The following SAMMSON variants were observed in gnomAD, a reference collection of about 807,000 sequenced individuals.
SAMMSON encodes long intergenic non-protein coding RNA 1212.
In SAMMSON at chr3:70,348,929, A is replaced by G. The variant is rs181803563; in HGVS notation, n.740-5246A>G. On this transcript the variant is annotated intron_variant and non_coding_transcript_variant, in intron 7 of 9. Coordinates refer to ENST00000642114, the Ensembl canonical transcript of SAMMSON. ...GAGAGACAATCAATCTCTCTCCCTT[A>G]TTTTTTCAGGCCCTGTTACCCAGGG... Among the ~76,000 whole-genome samples the G allele has an allele frequency of 9.9e-5, 15 of 151,996 alleles. No individual in the cohort carries two copies. The East Asian group carries it at 2.1e-3, about 22-fold the overall frequency.
At chr3:70,143,612 A>G (rs1444858845) in intron 4 of SAMMSON, among the ~76,000 whole-genome samples, 2 of 152,204 alleles carry the variant, frequency 1.3e-5, no homozygotes, top group Non-Finnish European at 2.9e-5. Context: ...GCAGAGAGTA[A>G]GAGGGTGGAA....
intron 3 of SAMMSON, among the ~76,000 whole-genome samples, chr3:70,015,712 C>G (rs532526807): frequency 6.6e-6 from 1 of 152,004 alleles, no homozygotes; most frequent in Non-Finnish European, 1.5e-5. Flanking sequence ...TATCCCTCCC[C>G]GCTTCCCCAC....
intron 9 of SAMMSON, among the ~76,000 whole-genome samples, chr3:70,382,896 G>T (rs565245392): frequency 2.0e-5 from 3 of 152,042 alleles, no homozygotes; most frequent in East Asian, 3.9e-4. Flanking sequence ...ACTTTGAGAA[G>T]GGTTAGTTTA....
Position 70,157,044 on chromosome 3 carries a change from G to A in SAMMSON, n.507+85479G>A, listed in dbSNP as rs530185050. Among the ~76,000 whole-genome samples, 43 of 152,136 alleles carry A rather than the reference G, an allele frequency of 2.8e-4. No individual in the cohort carries two copies. In the East Asian group the frequency reaches 6.2e-3, roughly 22 times the overall value. ...CTAGTCTTGGATTCTTAACCCTTTCGAAAGCAGGGTAAAAAGATATAGTCA... is the reference window on the plus strand; with the variant it reads ...CTAGTCTTGGATTCTTAACCCTTTCAAAAGCAGGGTAAAAAGATATAGTCA... On this transcript the variant is annotated intron_variant and non_coding_transcript_variant, in intron 4 of 9. Coordinates refer to ENST00000642114, the Ensembl canonical transcript of SAMMSON.
intron 6 of SAMMSON, among the ~76,000 whole-genome samples, chr3:70,282,681 T>C (rs113699884): frequency 0.011 from 1,639 of 152,302 alleles, 20 homozygotes; most frequent in Non-Finnish European, 0.016. Flanking sequence ...TGCTGCCAAA[T>C]AAGAGAGGCC....
intron 4 of SAMMSON, among the ~76,000 whole-genome samples, chr3:70,199,533 A>G (rs932406887): frequency 1.3e-5 from 2 of 152,158 alleles, no homozygotes; most frequent in African/African-American, 4.8e-5. Context: ...TTGCCCAAAA[A>G]CAACATGGTA....
rs1377280700 is a variant in SAMMSON, at chr3:70,118,080, G to A, written n.507+46515G>A. 3.9e-5 allele frequency among the ~76,000 whole-genome samples: 6 copies of A among 151,980 alleles called. No homozygotes were observed. The East Asian group carries it at 9.8e-4, about 25-fold the overall frequency. On this transcript the variant is annotated intron_variant and non_coding_transcript_variant, in intron 4 of 9. Transcript: ENST00000642114. ...TTACAGGCACCCCACCACCACGCCC[G>A]GCTAATTTTGTTTTTTATTTTTAGT...
At chr3:70,313,365 C>G (rs546832728) in intron 7 of SAMMSON, among the ~76,000 whole-genome samples, 4 of 151,278 alleles carry the variant, frequency 2.6e-5, no homozygotes, top group Non-Finnish European at 5.9e-5. Context: ...ATAATCCTAG[C>G]TATGTGAGAG....
At chr3:70,078,074 A>G (rs963177522) in intron 4 of SAMMSON, among the ~76,000 whole-genome samples, 2 of 152,016 alleles carry the variant, frequency 1.3e-5, no homozygotes, top group Non-Finnish European at 2.9e-5. Flanking sequence ...TCTATCACCT[A>G]TCCCATCACA....
At chr3:70,082,813 C>T (rs1267743462) in intron 4 of SAMMSON, among the ~76,000 whole-genome samples, 1 of 152,160 alleles carries the variant, frequency 6.6e-6, no homozygotes, top group Non-Finnish European at 1.5e-5. Context: ...CTACCATGTA[C>T]TGGTTTTAAA....
intron 6 of SAMMSON, among the ~76,000 whole-genome samples, chr3:70,264,994 G>C (rs1701902783): frequency 6.6e-6 from 1 of 152,194 alleles, no homozygotes; most frequent in Non-Finnish European, 1.5e-5. Flanking sequence ...GTGGCAGCAA[G>C]AGAGCATGTG....
intron 2 of SAMMSON, among the ~76,000 whole-genome samples, chr3:70,402,584 A>G (rs961126548): frequency 1.3e-5 from 2 of 152,202 alleles, no homozygotes; most frequent in Admixed American, 6.5e-5. Flanking sequence ...ATCATGGGCT[A>G]GGTGTAGTGG....
intron 6 of SAMMSON, among the ~76,000 whole-genome samples, chr3:70,259,175 T>A (rs2106659786): frequency 6.6e-6 from 1 of 152,270 alleles, no homozygotes; most frequent in South Asian, 2.1e-4. Flanking sequence ...TTTTTCCAGT[T>A]ACAACCTGAG....
chr3:70,130,749 G>T (rs1227361096), intron 4 of SAMMSON, among the ~76,000 whole-genome samples: 2 of 152,082 alleles, frequency 1.3e-5, no homozygotes, highest in Admixed American at 6.5e-5. Flanking sequence ...TCAGCCAATA[G>T]CTAACAAAAC....
intron 4 of SAMMSON, among the ~76,000 whole-genome samples, chr3:70,106,916 A>G (rs921689238): frequency 6.6e-6 from 1 of 152,190 alleles, no homozygotes. Context: ...AATAAGAGCT[A>G]TTTTCTGAAC....
At position 70,102,101 on chromosome 3, in the gene SAMMSON, G is replaced by A. The variant is rs572580609; in HGVS notation, n.507+30536G>A. ...AGCTAAAGTCCAGTGAGCATTCAAC[G>A]GAGGAAACATGCTTGCCATTTTCAG... On this transcript the variant is annotated intron_variant and non_coding_transcript_variant, in intron 4 of 9. Transcript: ENST00000642114. Among the ~76,000 whole-genome samples the A allele has an allele frequency of 7.9e-5, 12 of 152,108 alleles. No homozygotes were observed. The East Asian group carries it at 9.6e-4, about 12-fold the overall frequency.
chr3:70,406,909 C>T (rs188571984), intron 2 of SAMMSON, among the ~76,000 whole-genome samples: 1 of 152,148 alleles, frequency 6.6e-6, no homozygotes, highest in African/African-American at 2.4e-5. Context: ...TGTTTTCGTG[C>T]TGCTGATAAA....
At chr3:70,205,188 A>T (rs887226650) in intron 4 of SAMMSON, 1 of 152,004 alleles carries the variant, frequency 6.6e-6, no homozygotes, top group African/African-American at 2.4e-5. Context: ...TGGTCTCTGG[A>T]TTTTCTTGGA....
At chr3:70,285,091 T>A (rs1268161362) in intron 6 of SAMMSON, among the ~76,000 whole-genome samples, 9 of 151,852 alleles carry the variant, frequency 5.9e-5, no homozygotes, top group Non-Finnish European at 1.3e-4. Context: ...AGTTTTAGGG[T>A]ACATGTGCAC....
Sources: allele counts gnomAD v4.1 joint callset (sites outside exome capture counted in the v4.1 genomes callset), GRCh38; gene constraint gnomAD v4.1.1; transcripts MANE v1.5; gene names NCBI Gene and HGNC (gene_info 2026-07-23, HGNC 2026-07-21).